The following AKAP19 variants were observed in gnomAD, a reference collection of about 807,000 sequenced individuals.
AKAP19 encodes small A-kinase anchoring protein.
chr2:189,885,510 A>G, the AKAP19 span, among the ~76,000 whole-genome samples: 1 of 152,244 alleles, frequency 6.6e-6, no homozygotes, highest in Non-Finnish European at 1.5e-5. Context: ...TATATGAGGT[A>G]GCTCAAGTGA....
chr2:190,157,847 G>C, the AKAP19 span, among the ~76,000 whole-genome samples: 1 of 152,178 alleles, frequency 6.6e-6, no homozygotes, highest in South Asian at 2.1e-4. Context: ...ATCAGGTCTT[G>C]AAAGTGAGGG....
the AKAP19 span, chr2:189,917,240 C>A: frequency 8.4e-7 from 1 of 1,186,190 alleles, no homozygotes; most frequent in Non-Finnish European, 1.2e-6. Context: ...TTTCATCAAG[C>A]TTTTACAAAC....
chr2:189,944,886 T>C, the AKAP19 span, among the ~76,000 whole-genome samples: 1 of 152,114 alleles, frequency 6.6e-6, no homozygotes, highest in Non-Finnish European at 1.5e-5. Context: ...TGAAATCATA[T>C]CAAGTATCTT....
chr2:189,964,659 T>C, the AKAP19 span, among the ~76,000 whole-genome samples: 1 of 152,198 alleles, frequency 6.6e-6, no homozygotes, highest in East Asian at 1.9e-4. Context: ...CCTTGTACTT[T>C]TATGTTATGG....
the AKAP19 span, among the ~76,000 whole-genome samples, chr2:189,888,308 A>G: frequency 6.6e-6 from 1 of 152,202 alleles, no homozygotes; most frequent in African/African-American, 2.4e-5. Flanking sequence ...CCATTGGTCT[A>G]TATATCTATT....
At chr2:190,187,560 G>A in the AKAP19 span, among the ~76,000 whole-genome samples, 2 of 151,998 alleles carry the variant, frequency 1.3e-5, no homozygotes, top group Non-Finnish European at 2.9e-5. Flanking sequence ...GCTACAAAAT[G>A]AACTATAAAG....
chr2:190,163,009 T>C, the AKAP19 span, among the ~76,000 whole-genome samples: 2 of 152,348 alleles, frequency 1.3e-5, no homozygotes, highest in African/African-American at 2.4e-5. Flanking sequence ...TGAGTAAGCC[T>C]GTTTCAGGAT....
chr2:190,190,267 C>A, the AKAP19 span, among the ~76,000 whole-genome samples: 3 of 152,152 alleles, frequency 2.0e-5, no homozygotes, highest in Admixed American at 2.0e-4. Flanking sequence ...ACTATGATTT[C>A]TATTCATAGG....
the AKAP19 span, among the ~76,000 whole-genome samples, chr2:189,963,235 C>T: frequency 6.9e-6 from 1 of 144,554 alleles, no homozygotes; most frequent in African/African-American, 2.6e-5. Flanking sequence ...ACTCTGTTGC[C>T]CAGGCTGGAG....
the AKAP19 span, among the ~76,000 whole-genome samples, chr2:190,142,501 T>A: frequency 6.6e-6 from 1 of 151,876 alleles, no homozygotes; most frequent in Non-Finnish European, 1.5e-5. Flanking sequence ...GCTCAGCCAG[T>A]GTTCCCACTT....
At chr2:190,008,767 CA>C in the AKAP19 span, among the ~76,000 whole-genome samples, 23 of 44,594 alleles carry the variant, frequency 5.2e-4, no homozygotes, top group Middle Eastern at 0.014. Context: ...CACACACACA[CA>C]CACCCACCTG....
At chr2:190,143,435 A>G in the AKAP19 span, among the ~76,000 whole-genome samples, 1 of 152,086 alleles carries the variant, frequency 6.6e-6, no homozygotes, top group East Asian at 1.9e-4. Context: ...CATCACTTCT[A>G]GGAAGCCTTC....
chr2:190,080,642 C>T, the AKAP19 span, among the ~76,000 whole-genome samples: 1 of 152,208 alleles, frequency 6.6e-6, no homozygotes, highest in South Asian at 2.1e-4. Flanking sequence ...ATTCAAGGAA[C>T]ATTTATTGAG....
the AKAP19 span, among the ~76,000 whole-genome samples, chr2:190,194,477 TAC>T: frequency 0.19 from 27,311 of 141,006 alleles, 2,444 homozygotes; most frequent in East Asian, 0.24. Context: ...ATCCTGTGTA[TAC>T]ACACACACAC....
At chr2:189,887,372 T>C in the AKAP19 span, among the ~76,000 whole-genome samples, 2 of 152,258 alleles carry the variant, frequency 1.3e-5, no homozygotes, top group Non-Finnish European at 2.9e-5. Context: ...TATTCCAGTC[T>C]ATCATTGATG....
the AKAP19 span, among the ~76,000 whole-genome samples, chr2:190,133,615 T>G: frequency 6.6e-6 from 1 of 152,212 alleles, no homozygotes; most frequent in African/African-American, 2.4e-5. Flanking sequence ...AGATATGGAT[T>G]CAACCTAAGT....
At chr2:189,927,453 T>G in the AKAP19 span, among the ~76,000 whole-genome samples, 2 of 152,346 alleles carry the variant, frequency 1.3e-5, no homozygotes, top group Admixed American at 6.5e-5. Context: ...GAGAATAATA[T>G]TGATTTTATG....
At chr2:189,928,555 A>G in the AKAP19 span, among the ~76,000 whole-genome samples, 1 of 152,156 alleles carries the variant, frequency 6.6e-6, no homozygotes, top group Non-Finnish European at 1.5e-5. Flanking sequence ...TAATAAACAG[A>G]AATTTAAGCA....
the AKAP19 span, chr2:190,200,201 G>GA: frequency 6.7e-7 from 1 of 1,488,744 alleles, no homozygotes; most frequent in African/African-American, 1.4e-5. Context: ...GAATAAATGT[G>GA]ACAAAAGCAA....
Sources: allele counts gnomAD v4.1 joint callset (sites outside exome capture counted in the v4.1 genomes callset), GRCh38; gene constraint gnomAD v4.1.1; transcripts MANE v1.5; gene names NCBI Gene and HGNC (gene_info 2026-07-23, HGNC 2026-07-21).